The following PPP1R12B variants were observed in gnomAD, a reference collection of about 807,000 sequenced individuals.
PPP1R12B encodes myosin phosphatase target subunit 2.
PPP1R12B carries 76 observed loss-of-function variants against 126.1 expected under a neutral mutation model. The ratio of observed to expected loss-of-function variants is 0.60; its 90% confidence interval spans 0.50 to 0.73. The LOEUF is 0.73. PPP1R12B is among the 30% of genes least tolerant of loss of function. The pLI, the probability that PPP1R12B is intolerant of heterozygous loss-of-function variation, is 0.00. For synonymous variants in PPP1R12B, 356 were observed against 434.7 expected, an observed-to-expected ratio of 0.82 and a Z score of 2.25; for missense variants, 1,052 against 1,205.1, an observed-to-expected ratio of 0.87 and a Z score of 1.88.
At chr1:202,378,956 G>T (rs1385714933) in intron 1 of PPP1R12B, among the ~76,000 whole-genome samples, 1 of 151,646 alleles carries the variant, frequency 6.6e-6, no homozygotes, top group African/African-American at 2.4e-5. Flanking sequence ...CCCACTCTTT[G>T]CCCAGATTTC....
chr1:202,391,501 A>G (rs1175184028), intron 1 of PPP1R12B, among the ~76,000 whole-genome samples: 1 of 152,150 alleles, frequency 6.6e-6, no homozygotes, highest in Non-Finnish European at 1.5e-5. Context: ...TAGAGTTACC[A>G]TATGATCCAG....
intron 18 of PPP1R12B, among the ~76,000 whole-genome samples, chr1:202,536,381 C>T (rs190756990): frequency 1.3e-5 from 2 of 152,236 alleles, no homozygotes; most frequent in East Asian, 3.9e-4. Context: ...ATTTGTGTGT[C>T]TAAACATAGA....
chr1:202,355,452 A>G (rs1656905697), intron 1 of PPP1R12B, among the ~76,000 whole-genome samples: 2 of 152,216 alleles, frequency 1.3e-5, no homozygotes, highest in African/African-American at 4.8e-5. Context: ...AAGGCAGTCC[A>G]GGATGGTAGA....
chr1:202,486,310 A>T (rs1488503048), intron 13 of PPP1R12B, among the ~76,000 whole-genome samples: 2 of 152,148 alleles, frequency 1.3e-5, no homozygotes, highest in Non-Finnish European at 2.9e-5. Context: ...AAAAATATTA[A>T]AGGATCTTGA....
chr1:202,479,579 C>A (rs1383861711), intron 13 of PPP1R12B, among the ~76,000 whole-genome samples: 1 of 152,132 alleles, frequency 6.6e-6, no homozygotes, highest in East Asian at 1.9e-4. Context: ...CTAGCGGATA[C>A]CCCAGACTTT....
chr1:202,370,975 G>T (rs1376675968), intron 1 of PPP1R12B, among the ~76,000 whole-genome samples: 5 of 143,728 alleles, frequency 3.5e-5, no homozygotes, highest in East Asian at 2.0e-4. Context: ...CATTTTTTTT[G>T]AACACGAGTT....
intron 1 of PPP1R12B, among the ~76,000 whole-genome samples, chr1:202,389,663 G>A (rs1381706012): frequency 6.6e-6 from 1 of 151,098 alleles, no homozygotes; most frequent in African/African-American, 2.4e-5. Flanking sequence ...GGAAGGCCGG[G>A]CGAGGTGGCT....
chr1:202,425,907 C>G (rs563927408), intron 4 of PPP1R12B, among the ~76,000 whole-genome samples, 182 bp downstream of exon 4: 1 of 152,298 alleles, frequency 6.6e-6, no homozygotes, highest in East Asian at 1.9e-4. Context: ...CTCCCTCCCT[C>G]CTACCATTCC....
chr1:202,424,769 C>T (rs1003336647), intron 3 of PPP1R12B, among the ~76,000 whole-genome samples: 1 of 152,108 alleles, frequency 6.6e-6, no homozygotes, highest in Admixed American at 6.5e-5. Context: ...TTTTCACTGG[C>T]ACAGATATTG....
chr1:202,550,287 A>C (rs1428431314), intron 18 of PPP1R12B, among the ~76,000 whole-genome samples: 1 of 152,200 alleles, frequency 6.6e-6, no homozygotes, highest in African/African-American at 2.4e-5. Context: ...CTACCCAAAC[A>C]GGCTGCTGGA....
At chr1:202,498,009 AG>A (rs1161275270) in intron 18 of PPP1R12B, among the ~76,000 whole-genome samples, 1 of 152,244 alleles carries the variant, frequency 6.6e-6, no homozygotes, top group Non-Finnish European at 1.5e-5. Context: ...AGAATTACAT[AG>A]GCCATTTAAA....
chr1:202,419,032 C>T lies in PPP1R12B; in HGVS notation c.422+2115C>T, dbSNP rs1217263720. ...GCAAACTGGCTTTCTAGGAAGAATC[C>T]AAGTACATTCTATTTCATGTTTCAT... On this transcript the variant is annotated intron_variant, in intron 2 of 23. Transcript: ENST00000608999. This position sits in a 1 kb window ranked among gnomAD's most constrained non-coding sequence, Gnocchi z 4.6. 2.0e-5 allele frequency among the ~76,000 whole-genome samples: 3 copies of T among 152,042 alleles called. No homozygotes were observed. Among genetic ancestry groups the T allele is most frequent in the Admixed American group, 2.0e-4 (3 of 15,274 alleles).
intron 1 of PPP1R12B, among the ~76,000 whole-genome samples, chr1:202,373,412 T>G (rs1660639621): frequency 6.6e-6 from 1 of 152,182 alleles, no homozygotes; most frequent in African/African-American, 2.4e-5. Context: ...TCACAAAGAT[T>G]TACACCTATG....
At chr1:202,413,901 A>T (rs1408970208) in intron 1 of PPP1R12B, among the ~76,000 whole-genome samples, 1 of 152,132 alleles carries the variant, frequency 6.6e-6, no homozygotes, top group African/African-American at 2.4e-5. Flanking sequence ...CTTGGATATT[A>T]TACCAAACTC....
Position 202,555,325 on chromosome 1 carries a change from G to GAAAAAAAAAAAA in PPP1R12B, c.2491-3535_2491-3524dup, listed in dbSNP as rs56752885. Among the ~76,000 whole-genome samples, 164 of 25,356 alleles carry GAAAAAAAAAAAA rather than the reference G, an allele frequency of 6.5e-3. 46 individuals are homozygous for GAAAAAAAAAAAA. The highest frequency in any genetic ancestry group is 0.017 in the East Asian group (8 of 466). 16.6% of individuals were successfully genotyped at this position (25,356 alleles called of 152,430 possible). A position where few individuals can be genotyped will look rare whatever the true frequency, so the allele number is the denominator to read the frequency against. On this transcript the variant is annotated intron_variant, in intron 18 of 23. Transcript: ENST00000608999. ...AAAACCCTAATTTTCCTGTTTTAAT[G>GAAAAAAAAAAAA]AAAAAAAAAAAAAAAAAAAAAAAAA...
chr1:202,349,198 C>T (rs544314199), intron 1 of PPP1R12B, 56 bp downstream of exon 1: 62 of 1,590,264 alleles, frequency 3.9e-5, no homozygotes, highest in Non-Finnish European at 5.0e-5. Flanking sequence ...AGCCTTTGAC[C>T]CTGCGAGCCA....
rs1675041541 is a variant in PPP1R12B, at chr1:202,466,732, TTAAAG to T, written c.1850+17564_1850+17568del. Among the ~76,000 whole-genome samples the T allele has an allele frequency of 2.0e-5, 3 of 152,232 alleles. 1 individual carries two copies. The South Asian group carries it at 6.2e-4, about 32-fold the overall frequency. ...TTTCTTATTTCCTTTATTTATCTAT[TTAAAG>T]TATTGTTATAGGCATGTATTTCTGT... On this transcript the variant is annotated intron_variant, in intron 13 of 23. Coordinates refer to ENST00000608999, the MANE Select transcript of PPP1R12B (RefSeq NM_002481.4).
chr1:202,467,596 G>A (rs1421594788), intron 13 of PPP1R12B, among the ~76,000 whole-genome samples: 20 of 152,198 alleles, frequency 1.3e-4, no homozygotes, highest in South Asian at 1.2e-3. Context: ...GTGTATATGC[G>A]CCACATTTTC....
chr1:202,545,881 A>G (rs1685605093), intron 18 of PPP1R12B, among the ~76,000 whole-genome samples: 1 of 152,250 alleles, frequency 6.6e-6, no homozygotes. Context: ...AACAAAAGAT[A>G]TATTTAGAAA....
Sources: allele counts gnomAD v4.1 joint callset (sites outside exome capture counted in the v4.1 genomes callset), GRCh38; gene constraint gnomAD v4.1.1; non-coding constraint Gnocchi (gnomAD v3.1); transcripts MANE v1.5; gene names NCBI Gene and HGNC (gene_info 2026-07-23, HGNC 2026-07-21).